The following RARS2 variants were observed in gnomAD, a reference collection of about 807,000 sequenced individuals.
RARS2 encodes the protein probable arginine--tRNA ligase, mitochondrial.
Under a neutral mutation model 88.5 loss-of-function variants are expected in RARS2, and 67 were observed. That is an observed-to-expected ratio of 0.76 (90% CI 0.62 to 0.93). RARS2 has a LOEUF of 0.93. RARS2 is among the 40% of genes least tolerant of loss of function. RARS2 has a pLI of 0.00. For missense variants in RARS2, 664 were observed against 684.2 expected, an observed-to-expected ratio of 0.97 and a Z score of 0.33; for synonymous variants, 239 against 230.3, an observed-to-expected ratio of 1.04 and a Z score of -0.34.
At chr6:87,514,560 G>C in intron 19 of RARS2, 61 bp from the exon 20 acceptor site, 1 of 1,373,646 alleles carries the variant, frequency 7.3e-7, no homozygotes, top group Non-Finnish European at 1.0e-6. Context: ...TTCAATACAT[G>C]AGAATGGTTT....
chr6:87,531,767 T>G (rs1777609750), intron 8 of RARS2, among the ~76,000 whole-genome samples: 1 of 152,164 alleles, frequency 6.6e-6, no homozygotes, highest in Admixed American at 6.5e-5. Context: ...TTTTTCAGTC[T>G]CCAAAATATA....
intron 2 of RARS2, 80 bp downstream of exon 2, chr6:87,569,437 A>G: frequency 9.1e-7 from 1 of 1,098,158 alleles, no homozygotes; most frequent in South Asian, 1.3e-5. Context: ...ACTGAAGAGT[A>G]ACAATTCTTT....
intron 8 of RARS2, among the ~76,000 whole-genome samples, chr6:87,540,688 C>G (rs1358864716): frequency 1.3e-5 from 2 of 152,056 alleles, no homozygotes; most frequent in African/African-American, 2.4e-5. Context: ...CACTGTGAGG[C>G]CCAGAAACGG....
chr6:87,516,654 A>T lies in RARS2; in HGVS notation c.1586+152T>A, dbSNP rs558650415. 4.4e-6 allele frequency: 5 copies of T among 1,126,904 alleles called. No homozygotes were observed. In the African/African-American group the frequency reaches 7.8e-5, roughly 18 times the overall value. The allele number at this position is 1,126,904 out of a possible 1,614,324, so 69.8% of individuals were successfully genotyped here. A position where few individuals can be genotyped will look rare whatever the true frequency, so the allele number is the denominator to read the frequency against. On this transcript the variant is annotated intron_variant, in intron 18 of 19. Coordinates refer to ENST00000369536, the MANE Select transcript of RARS2 (RefSeq NM_020320.5). ...TGTATCACTGAATGAATGAAGGAAC[A>T]TTAACTGCTAATTTGTATAGATGAA...
intron 10 of RARS2, among the ~76,000 whole-genome samples, chr6:87,526,201 C>T (rs1334371456): frequency 6.6e-6 from 1 of 151,912 alleles, no homozygotes; most frequent in Non-Finnish European, 1.5e-5. Flanking sequence ...CTCCAAATAC[C>T]CAAAGCAATA....
chr6:87,541,904 T>C lies in RARS2; in HGVS notation c.612+14A>G. 6.2e-7 allele frequency: 1 copy of C among 1,604,268 alleles called. No homozygotes were observed. Among genetic ancestry groups the C allele is most frequent in the Non-Finnish European group, 8.5e-7 (1 of 1,171,292 alleles). On this transcript the variant is annotated intron_variant, in intron 8 of 19. Coordinates refer to ENST00000369536, the MANE Select transcript of RARS2 (RefSeq NM_020320.5). ...ACTCTGAAAAATTTTTGAAATGTTT[T>C]CTTGCCAACTTACTTCAAAGAGATG...
intron 1 of RARS2, among the ~76,000 whole-genome samples, chr6:87,580,255 C>A (rs138805627): frequency 1.3e-5 from 2 of 152,004 alleles, no homozygotes; most frequent in East Asian, 3.9e-4. Context: ...CTAGCACAAG[C>A]GAAAAGAAGG....
intron 1 of RARS2, among the ~76,000 whole-genome samples, chr6:87,573,225 T>C (rs974290770): frequency 1.3e-5 from 2 of 152,046 alleles, no homozygotes; most frequent in East Asian, 3.9e-4. Flanking sequence ...CAGGCACATC[T>C]CACACGGTGG....
intron 3 of RARS2, among the ~76,000 whole-genome samples, chr6:87,563,642 CCT>C (rs772686469): frequency 2.0e-5 from 3 of 152,186 alleles, no homozygotes; most frequent in African/African-American, 4.8e-5. Flanking sequence ...CCTTTCAATT[CCT>C]CTGTTAGATA....
In RARS2 at chr6:87,556,664, C is replaced by T. The variant is rs560736903; in HGVS notation, c.298-1159G>A. On this transcript the variant is annotated intron_variant, in intron 4 of 19. Coordinates refer to ENST00000369536, the MANE Select transcript of RARS2 (RefSeq NM_020320.5). ...AAAATTAACCAGACATGGTGGCATGCGCCTGTAGTCCCAGCTACTTGGGAG... is the reference window on the plus strand; with the variant it reads ...AAAATTAACCAGACATGGTGGCATGTGCCTGTAGTCCCAGCTACTTGGGAG... Among the ~76,000 whole-genome samples the T allele has an allele frequency of 1.2e-4, 18 of 151,566 alleles. No homozygotes were observed. In the South Asian group the frequency reaches 3.1e-3, roughly 27 times the overall value.
chr6:87,580,164 G>C (rs1251159098), intron 1 of RARS2, among the ~76,000 whole-genome samples: 2 of 152,078 alleles, frequency 1.3e-5, no homozygotes, highest in Non-Finnish European at 2.9e-5. Flanking sequence ...GTGACCAATG[G>C]GTTTGCTTAG....
chr6:87,549,181 C>G (rs1049425346), intron 5 of RARS2, among the ~76,000 whole-genome samples: 12 of 151,594 alleles, frequency 7.9e-5, no homozygotes, highest in African/African-American at 2.9e-4. Flanking sequence ...ATGGTGAAAC[C>G]CTGATTCTAC....
rs185652390 is a variant in RARS2, at chr6:87,542,010, G to A, written c.536-16C>T. 90 of 1,601,252 alleles carry A rather than the reference G, an allele frequency of 5.6e-5. No individual in the cohort carries two copies. The highest frequency in any genetic ancestry group is 1.7e-4 in the Admixed American group (10 of 59,980). ...CCCAGAAGACCTACCATGATAATCC[G>A]TAAATGAAAAATTATAAAGTTGAAC... On this transcript the variant is annotated splice_polypyrimidine_tract_variant and intron_variant, in intron 7 of 19. Coordinates refer to ENST00000369536, the MANE Select transcript of RARS2 (RefSeq NM_020320.5).
At chr6:87,565,678 A>T (rs1767652653) in intron 2 of RARS2, among the ~76,000 whole-genome samples, 1 of 152,226 alleles carries the variant, frequency 6.6e-6, no homozygotes, top group South Asian at 2.1e-4. Flanking sequence ...GGTTTGAAAT[A>T]GTTCAAGGTG....
chr6:87,575,076 G>C (rs1425535271), intron 1 of RARS2, among the ~76,000 whole-genome samples: 2 of 151,636 alleles, frequency 1.3e-5, no homozygotes, highest in East Asian at 1.9e-4. Context: ...TAAGGATAGA[G>C]ACAAAATTCA....
chr6:87,554,879 G>A lies in RARS2; in HGVS notation c.395+529C>T, dbSNP rs942088460. On this transcript the variant is annotated intron_variant, in intron 5 of 19. Transcript: ENST00000369536. ...ACTTTTTGGGAGGCTGAGATGGGCA[G>A]ATCACGAGGTCAGGAGATGGAGACC... 1.3e-4 allele frequency among the ~76,000 whole-genome samples: 20 copies of A among 152,198 alleles called. No homozygotes were observed. The East Asian group carries it at 3.7e-3, about 28-fold the overall frequency.
chr6:87,589,365 A>T lies in RARS2; in HGVS notation c.36+557T>A, dbSNP rs183401356. Among the ~76,000 whole-genome samples, 29 of 152,320 alleles carry T rather than the reference A, an allele frequency of 1.9e-4. 2 individuals are homozygous for T. The highest frequency in any genetic ancestry group is 1.9e-3 in the Admixed American group (29 of 15,304). Reference sequence around the variant, plus strand: ...GTTCTCCACAAAAAGGAAAAACAAAACAAAGCAATTATATTGCAATTTTGT... The same window carrying T: ...GTTCTCCACAAAAAGGAAAAACAAATCAAAGCAATTATATTGCAATTTTGT... On this transcript the variant is annotated intron_variant, in intron 1 of 19. Transcript: ENST00000369536.
intron 1 of RARS2, among the ~76,000 whole-genome samples, chr6:87,583,167 T>A (rs1418068833): frequency 6.6e-6 from 1 of 152,176 alleles, no homozygotes; most frequent in African/African-American, 2.4e-5. Context: ...TACAGAACGA[T>A]GAAGGAAATG....
At chr6:87,572,672 C>G (rs1770148667) in intron 1 of RARS2, among the ~76,000 whole-genome samples, 4 of 152,268 alleles carry the variant, frequency 2.6e-5, no homozygotes, top group Non-Finnish European at 5.9e-5. Flanking sequence ...TCAAATGGTC[C>G]TCCCACCTCA....
Sources: allele counts gnomAD v4.1 joint callset (sites outside exome capture counted in the v4.1 genomes callset), GRCh38; gene constraint gnomAD v4.1.1; transcripts MANE v1.5; gene names NCBI Gene and HGNC (gene_info 2026-07-23, HGNC 2026-07-21).